Variants in ABCB6 observed in about 807,000 individuals in gnomAD.
ABCB6 encodes the protein ATP binding cassette subfamily B member 6 (LAN blood group).
A neutral mutation model predicts 99.4 loss-of-function variants in ABCB6; 87 were observed. The ratio of observed to expected loss-of-function variants is 0.88; its 90% confidence interval spans 0.74 to 1.05. The LOEUF (loss-of-function observed/expected upper bound fraction) is 1.05, where lower values mean the gene tolerates loss of function less well. Ranked by LOEUF, ABCB6 falls within the 50% of genes least tolerant of loss-of-function variation. The pLI is 0.00. For missense variants in ABCB6, 1,050 were observed against 1,097.9 expected (o/e 0.96, Z 0.62); for synonymous variants, 482 against 447.5 (o/e 1.08, Z -0.97).
In ABCB6 at chr2:219,214,095, C is replaced by T. The variant is rs202127374; in HGVS notation, c.1452+26G>A. 1.6e-5 allele frequency: 26 copies of T among 1,613,788 alleles called. No homozygotes were observed. In the East Asian group the frequency reaches 3.1e-4, roughly 19 times the overall value. On this transcript the variant is annotated intron_variant, in intron 8 of 18. Coordinates refer to ENST00000265316, the MANE Select transcript of ABCB6 (RefSeq NM_005689.4). ...TCTACCAGGCCAGGGCATTATTCTCCGGAGGCCTCAAACTAGCATCCTCAC... is the reference window on the plus strand; with the variant it reads ...TCTACCAGGCCAGGGCATTATTCTCTGGAGGCCTCAAACTAGCATCCTCAC...
chr2:219,218,737 T>G lies in ABCB6; in HGVS notation c.-64A>C. On this transcript the variant is annotated 5_prime_UTR_variant, in exon 1 of 19. Transcript: ENST00000265316. ...GGGACCGGAGGCCGGGACTGGTCACTCGGAGAGGGGCGCGGACATCCGGGT... is the reference window on the plus strand; with the variant it reads ...GGGACCGGAGGCCGGGACTGGTCACGCGGAGAGGGGCGCGGACATCCGGGT... 2 of 1,461,288 alleles carry G rather than the reference T, an allele frequency of 1.4e-6. No individual in the cohort carries two copies. Among genetic ancestry groups the G allele is most frequent in the Non-Finnish European group, 1.8e-6 (2 of 1,104,358 alleles). 90.5% of individuals were successfully genotyped at this position (1,461,288 alleles called of 1,614,324 possible).
intron 1 of ABCB6, 109 bp from the exon 2 acceptor site, chr2:219,217,916 G>T: frequency 7.3e-7 from 1 of 1,378,328 alleles, no homozygotes; most frequent in Non-Finnish European, 9.6e-7. Flanking sequence ...AGCACTTACA[G>T]GCTTAAAAAA....
rs1950633806 is a variant in ABCB6 at position 219,215,941 on chromosome 2, CT to C, written c.1154+55del. ...TCTGTTCTCTTCCTCCCACGGGCCC[CT>C]ATCCCTGCTTCTCCGGCTCCACCCT... On this transcript the variant is annotated intron_variant, in intron 5 of 18. Transcript: ENST00000265316. 4 of 1,474,498 alleles carry C rather than the reference CT, an allele frequency of 2.7e-6. No homozygotes were observed. In the African/African-American group the frequency reaches 5.6e-5, roughly 21 times the overall value. 91.3% of individuals were successfully genotyped at this position (1,474,498 alleles called of 1,614,324 possible).
At position 219,212,972 on chromosome 2, in the gene ABCB6, G is replaced by T. The variant is rs556020297; in HGVS notation, c.1863+36C>A. 24 of 1,610,774 alleles carry T rather than the reference G, an allele frequency of 1.5e-5. No homozygotes were observed. In the South Asian group the frequency reaches 2.1e-4, roughly 14 times the overall value. Reference sequence around the variant, plus strand: ...CATGGGCACTGAATGAGGGAAGCTTGAGGCATCTGGGCCAAGTGGCTGGGT... The same window carrying T: ...CATGGGCACTGAATGAGGGAAGCTTTAGGCATCTGGGCCAAGTGGCTGGGT... On this transcript the variant is annotated intron_variant, in intron 13 of 18. Transcript: ENST00000265316.
At position 219,218,857 on chromosome 2, in the gene ABCB6, G is replaced by C. The variant is rs963309698; in HGVS notation, c.-184C>G. ...CTCACCGCCCACTCCCCTAGCGCAC[G>C]CGCCGCCGCCACGCACTCACGCAGG... On this transcript the variant is annotated 5_prime_UTR_variant, in exon 1 of 19. Coordinates refer to ENST00000265316, the MANE Select transcript of ABCB6 (RefSeq NM_005689.4). 6.5e-6 allele frequency: 4 copies of C among 617,116 alleles called. No homozygotes were observed. The highest frequency in any genetic ancestry group is 1.1e-5 in the Non-Finnish European group (4 of 380,502). 38.2% of individuals were successfully genotyped at this position (617,116 alleles called of 1,614,324 possible).
chr2:219,216,168 T>C lies in ABCB6; in HGVS notation c.983A>G (p.Asn328Ser), dbSNP rs1224657529. The C allele has an allele frequency of 6.3e-7, 1 of 1,592,754 alleles. No individual in the cohort carries two copies. The highest frequency in any genetic ancestry group is 8.6e-7 in the Non-Finnish European group (1 of 1,167,828). ...GGTGSTGFVS[N>S]LRTFLWIRVQ... is the part of the protein sequence containing the mutation. The stretch of plus-strand genomic sequence containing the variant: ...CCGGATCCACAGGAAGGTGCGCAGG[T>C]TGCTCACGAAGCCTGCAGGGAGCCG... Residue 328 changes from asparagine (N) to serine (S), a missense_variant, in exon 5 of 19, where the codon AAC becomes AGC. Coordinates refer to ENST00000265316, the MANE Select transcript of ABCB6 (RefSeq NM_005689.4). This position sits in a 1 kb window ranked among gnomAD's most constrained non-coding sequence, Gnocchi z 4.2.
Position 219,216,098 on chromosome 2 carries a change from G to A in ABCB6, c.1053C>T (p.Ser351=), listed in dbSNP as rs1408155681. The change falls in exon 5 of 19, where the codon TCC becomes TCT. Residue 351 remains serine, a synonymous_variant. Transcript: ENST00000265316. The surrounding 1 kb of genome is among the most constrained non-coding windows in gnomAD (Gnocchi z 4.2). ...AGCGCAGTGAGAGCTCGTGCAGGTG[G>A]GAGAAGATGAGCAGCTCCACCCGCC... ...TSRRVELLIF[S]HLHELSLRWH... 1 of 1,586,882 alleles carries A rather than the reference G, an allele frequency of 6.3e-7. No individual in the cohort carries two copies. Among genetic ancestry groups the A allele is most frequent in the East Asian group, 2.3e-5 (1 of 43,510 alleles).
At position 219,218,362 on chromosome 2, in the gene ABCB6, T is replaced by A; in HGVS notation, c.312A>T (p.Pro104=). 6.2e-7 allele frequency: 1 copy of A among 1,612,888 alleles called. No individual in the cohort carries two copies. Residue 104 remains proline (P), a synonymous_variant, in exon 1 of 19, where the codon CCA becomes CCT. Coordinates refer to ENST00000265316, the MANE Select transcript of ABCB6 (RefSeq NM_005689.4). ...RVGTARGAPL[P]SYLLLASVLE... The stretch of plus-strand genomic sequence containing the variant: ...GCACGGAGGCCAGAAGTAGATAGCT[T>A]GGCAGTGGGGCCCCCCGGGCAGTGC...
rs1378354306 is a variant in ABCB6, at chr2:219,213,047, G to A, written c.1824C>T (p.Asp608=). 1.1e-5 allele frequency: 18 copies of A among 1,613,778 alleles called. No homozygotes were observed. The highest frequency in any genetic ancestry group is 1.4e-5 in the Non-Finnish European group (17 of 1,179,900). ...GTCCAGGCATCACAGTGAAAGACAC[G>A]TCCTGCAGAGTCTCCCGCCTGCAAG... is the stretch of plus-strand genomic sequence containing the variant. The part of the protein sequence containing the change: ...SYADGRETLQ[D]VSFTVMPGQT... The change falls in exon 13 of 19, where the codon GAC becomes GAT. Residue 608 remains aspartate (D), a synonymous_variant. Coordinates refer to ENST00000265316, the MANE Select transcript of ABCB6 (RefSeq NM_005689.4).
Position 219,211,049 on chromosome 2 carries a change from A to G in ABCB6, c.2028T>C (p.Phe676=), listed in dbSNP as rs1177217202. 1 of 1,614,046 alleles carries G rather than the reference A, an allele frequency of 6.2e-7. No individual in the cohort carries two copies. Among genetic ancestry groups the G allele is most frequent in the Non-Finnish European group, 8.5e-7 (1 of 1,180,028 alleles). The change falls in exon 15 of 19, where the codon TTT becomes TTC. Residue 676 remains phenylalanine, a synonymous_variant. Transcript: ENST00000265316. ...GGATATTGTCGGCGATGGTGTCATT[A>G]AAGAGGACAGTGTCTTGGGGCACAA... is the stretch of plus-strand genomic sequence containing the variant. ...IGVVPQDTVL[F]NDTIADNIRY...
chr2:219,218,645 G>C lies in ABCB6; in HGVS notation c.29C>G (p.Ala10Gly). 1 of 1,593,406 alleles carries C rather than the reference G, an allele frequency of 6.3e-7. No homozygotes were observed. Among genetic ancestry groups the C allele is most frequent in the Non-Finnish European group, 8.5e-7 (1 of 1,170,376 alleles). Residue 10 changes from alanine to glycine, a missense_variant, in exon 1 of 19, where the codon GCC (alanine) becomes GGC (glycine). Transcript: ENST00000265316. ...CCAGGCCGGACCCACGGGCCCTTCG[G>C]CCTCGCAGTAGTTGCCCACAGTCAC... is the stretch of plus-strand genomic sequence containing the variant. MVTVGNYCE[A>G]EGPVGPAWMQ...
intron 2 of ABCB6, 27 bp downstream of exon 2, chr2:219,217,643 C>CAAAA: frequency 1.6e-6 from 2 of 1,228,520 alleles, no homozygotes; most frequent in Non-Finnish European, 2.2e-6. Flanking sequence ...ACTCCGTCTC[C>CAAAA]AAAAAAAAAA....
chr2:219,210,906 G>A (rs769474087), intron 15 of ABCB6, 28 bp downstream of exon 15: 19 of 1,613,732 alleles, frequency 1.2e-5, no homozygotes, highest in Non-Finnish European at 1.6e-5. Context: ...CAGGAGGGGA[G>A]GGGACTCTCT....
chr2:219,213,887 C>T lies in ABCB6; in HGVS notation c.1517G>A (p.Gly506Glu). The T allele has an allele frequency of 1.9e-6, 3 of 1,614,056 alleles. No homozygotes were observed. Among genetic ancestry groups the T allele is most frequent in the Non-Finnish European group, 2.5e-6 (3 of 1,179,972 alleles). The change falls in exon 9 of 19, where the codon GGG becomes GAG. Residue 506 changes from glycine to glutamate, a missense_variant. Gly to Glu is a moderately conservative substitution (Grantham distance 98). Coordinates refer to ENST00000265316, the MANE Select transcript of ABCB6 (RefSeq NM_005689.4). ...CAGGGAGCCGGCGAGGAGCCCGAGC[C>T]CAATCACCAGGTTCTGGGTCTGATT... ...LLNQTQNLVI[G>E]LGLLAGSLLC...
Position 219,214,111 on chromosome 2 carries a change from G to A in ABCB6, c.1452+10C>T. On this transcript the variant is annotated intron_variant, in intron 8 of 18. Transcript: ENST00000265316. ...ATTATTCTCCGGAGGCCTCAAACTAGCATCCTCACCTGATATTTGATGATG... is the reference window on the plus strand; with the variant it reads ...ATTATTCTCCGGAGGCCTCAAACTAACATCCTCACCTGATATTTGATGATG... 2 of 1,613,976 alleles carry A rather than the reference G, an allele frequency of 1.2e-6. No homozygotes were observed. The highest frequency in any genetic ancestry group is 1.7e-6 in the Non-Finnish European group (2 of 1,179,942).
intron 7 of ABCB6, 28 bp from the exon 8 acceptor site, chr2:219,214,214 G>A (rs2106425979): frequency 6.2e-7 from 1 of 1,606,904 alleles, no homozygotes; most frequent in South Asian, 1.1e-5. Flanking sequence ...AATTTATTTG[G>A]CATGGGCACA....
chr2:219,210,021 C>T lies in ABCB6; in HGVS notation c.2446G>A (p.Gly816Arg), dbSNP rs1420407519. The T allele has an allele frequency of 6.2e-7, 1 of 1,614,036 alleles. No individual in the cohort carries two copies. Among genetic ancestry groups the T allele is most frequent in the Admixed American group, 1.7e-5 (1 of 60,010 alleles). ...AGCTGCCACATGTCAGCATACACCC[C>T]ACCTCGGGACAACAGAGCCTCGTGT... ...GRHEALLSRG[G>R]VYADMWQLQQ... Residue 816 changes from glycine (G) to arginine (R), a missense_variant, in exon 19 of 19, where the codon GGG (glycine) becomes AGG (arginine). Transcript: ENST00000265316.
intron 13 of ABCB6, 39 bp from the exon 14 acceptor site, chr2:219,212,530 G>T (rs1950591634): frequency 6.4e-7 from 1 of 1,557,830 alleles, no homozygotes; most frequent in Non-Finnish European, 8.8e-7. Flanking sequence ...AGGCCCACTG[G>T]CTTTTTTTTT....
In ABCB6 at chr2:219,213,340, A is replaced by G; in HGVS notation, c.1720-14T>C. 1.2e-6 allele frequency: 2 copies of G among 1,613,998 alleles called. No individual in the cohort carries two copies. The highest frequency in any genetic ancestry group is 1.7e-6 in the Non-Finnish European group (2 of 1,179,968). ...AAGGTCCTTCACCTGGAAGGGCACC[A>G]CCCATGTGTGCTGAGGTTCTCAGCT... On this transcript the variant is annotated splice_polypyrimidine_tract_variant and intron_variant, in intron 11 of 18. Coordinates refer to ENST00000265316, the MANE Select transcript of ABCB6 (RefSeq NM_005689.4).
Sources: allele counts gnomAD v4.1 joint callset, GRCh38; gene constraint gnomAD v4.1.1; non-coding constraint Gnocchi (gnomAD v3.1); transcripts MANE v1.5; gene names NCBI Gene and HGNC (gene_info 2026-07-23, HGNC 2026-07-21).